DNAJA3: variants seen among roughly 807,000 people sequenced by gnomAD.
DNAJA3 encodes dnaJ homolog subfamily A member 3, mitochondrial.
In DNAJA3, 29 loss-of-function variants were observed where a neutral mutation model predicts 54.9. That is an observed-to-expected ratio of 0.53 (90% CI 0.39 to 0.72). The LOEUF is 0.72. DNAJA3 is among the 30% of genes least tolerant of loss of function. DNAJA3 has a pLI of 0.00. For missense variants in DNAJA3, 708 were observed against 639.4 expected (o/e 1.11, Z -1.16); for synonymous variants, 302 against 251.4 (o/e 1.20, Z -1.90).
At chr16:4,441,069 T>TCG in intron 3 of DNAJA3, 3 of 454,582 alleles carry the variant, frequency 6.6e-6, no homozygotes, top group South Asian at 3.6e-5. Flanking sequence ...AGTGTGAATC[T>TCG]GTGAAGAATC....
chr16:4,443,988 C>G (rs1013508493), intron 6 of DNAJA3, among the ~76,000 whole-genome samples: 1 of 152,128 alleles, frequency 6.6e-6, no homozygotes, highest in Non-Finnish European at 1.5e-5. Flanking sequence ...GCGTGGCCTG[C>G]TTTACTGTTG....
At chr16:4,450,645 G>A (rs1019989282) in intron 10 of DNAJA3, 148 bp downstream of exon 10, 3 of 621,994 alleles carry the variant, frequency 4.8e-6, no homozygotes, top group Non-Finnish European at 8.2e-6. Flanking sequence ...GGCTGTGGGC[G>A]GGGACAGCGG....
chr16:4,446,933 C>CGACCTCTTTATTTCTATA lies in DNAJA3; in HGVS notation c.1046_1063dup (p.Asp349_Ile354dup). 2 of 1,614,138 alleles carry CGACCTCTTTATTTCTATA rather than the reference C, an allele frequency of 1.2e-6. No homozygotes were observed. The highest frequency in any genetic ancestry group is 1.7e-6 in the Non-Finnish European group (2 of 1,180,040). ...GGAGGGACGGCGCAGACATCCACTCCGACCTCTTTATTTCTATAGCTCAGG... is the reference window on the plus strand; with the variant it reads ...GGAGGGACGGCGCAGACATCCACTCCGACCTCTTTATTTCTATAGACCTCTTTATTTCTATAGCTCAGG... On this transcript the variant is annotated inframe_insertion, in exon 8 of 12. Coordinates refer to ENST00000262375, the MANE Select transcript of DNAJA3 (RefSeq NM_005147.6).
In DNAJA3 at chr16:4,441,427, G is replaced by C. The variant is rs372950876; in HGVS notation, c.482G>C (p.Gly161Ala). The change falls in exon 4 of 12, where the codon GGC becomes GCC. Residue 161 changes from glycine to alanine, a missense_variant. Physicochemically the swap from Gly to Ala is moderately conservative, Grantham distance 60. Transcript: ENST00000262375. ...CAGTACGATGCCTACGGCTCTGCAG[G>C]CTTCGATCCTGGGGCCAGCGGCTCC... ...RKQYDAYGSA[G>A]FDPGASGSQH... 9.3e-6 allele frequency: 15 copies of C among 1,614,162 alleles called. 1 individual carries two copies. Among genetic ancestry groups the C allele is most frequent in the South Asian group, 3.3e-5 (3 of 91,082 alleles).
At chr16:4,439,913 C>G (rs1356397239) in intron 3 of DNAJA3, among the ~76,000 whole-genome samples, 1 of 152,122 alleles carries the variant, frequency 6.6e-6, no homozygotes, top group Non-Finnish European at 1.5e-5. Context: ...GAAGCGTACT[C>G]TTTTCTGTTT....
intron 1 of DNAJA3, 165 bp from the exon 2 acceptor site, chr16:4,434,219 G>A (rs527899891): frequency 1.4e-6 from 1 of 697,732 alleles, no homozygotes; most frequent in African/African-American, 1.8e-5. Flanking sequence ...ATGACACGTG[G>A]GGATTATGGG....
At chr16:4,450,147 G>A (rs2056959828) in intron 9 of DNAJA3, 5 of 431,092 alleles carry the variant, frequency 1.2e-5, no homozygotes, top group South Asian at 5.5e-5. Context: ...TTCCCCTCCT[G>A]TAAACTGTAT....
chr16:4,442,173 A>C (rs1391661242), intron 4 of DNAJA3, 95 bp from the exon 5 acceptor site: 3 of 1,321,648 alleles, frequency 2.3e-6, no homozygotes, highest in African/African-American at 1.5e-5. Flanking sequence ...GAGTGACTGA[A>C]AATGTGGGCC....
intron 1 of DNAJA3, among the ~76,000 whole-genome samples, chr16:4,432,183 A>C (rs1327929587): frequency 6.8e-6 from 1 of 148,140 alleles, no homozygotes; most frequent in Non-Finnish European, 1.5e-5. Context: ...CAAGTCTTTG[A>C]TCCATTTATT....
intron 1 of DNAJA3, among the ~76,000 whole-genome samples, chr16:4,427,649 G>T (rs971287762): frequency 6.6e-6 from 1 of 152,192 alleles, no homozygotes; most frequent in Admixed American, 6.6e-5. Flanking sequence ...TTGGATGTGT[G>T]TTTGGTTAAG....
intron 1 of DNAJA3, chr16:4,427,302 G>C (rs1337844053): frequency 6.6e-6 from 1 of 152,124 alleles, no homozygotes; most frequent in Non-Finnish European, 1.5e-5. Context: ...TCTAGAATTT[G>C]TGCAAATGGT....
Position 4,425,925 on chromosome 16 carries a change from G to C in DNAJA3, c.44G>C (p.Gly15Ala), listed in dbSNP as rs1236536770. 6.4e-7 allele frequency: 1 copy of C among 1,550,640 alleles called. No homozygotes were observed. Residue 15 changes from glycine (G) to alanine (A), a missense_variant, in exon 1 of 12, where the codon GGG (glycine) becomes GCG (alanine). Physicochemically the swap from Gly to Ala is moderately conservative, Grantham distance 60. Coordinates refer to ENST00000262375, the MANE Select transcript of DNAJA3 (RefSeq NM_005147.6). ...ACACGCTGGTTGCTGGTGGTTGTGG[G>C]GACCCCGCGGCTGCCGGCTATATCG... is the stretch of plus-strand genomic sequence containing the variant. ...CSTRWLLVVV[G>A]TPRLPAISGR...
Position 4,455,587 on chromosome 16 carries a change from C to G in DNAJA3, c.*55C>G, listed in dbSNP as rs1289904031. 6.4e-7 allele frequency: 1 copy of G among 1,551,658 alleles called. No individual in the cohort carries two copies. The highest frequency in any genetic ancestry group is 8.7e-7 in the Non-Finnish European group (1 of 1,146,990). On this transcript the variant is annotated 3_prime_UTR_variant, in exon 12 of 12. Transcript: ENST00000262375. ...AAACTAGGCCGGGAAGCAGCAGCCC[C>G]TCCAAGGGCCAGGGCACCTGGGAGA...
chr16:4,449,276 G>A (rs1173464282), intron 9 of DNAJA3, among the ~76,000 whole-genome samples: 1 of 152,176 alleles, frequency 6.6e-6, no homozygotes, highest in Non-Finnish European at 1.5e-5. Flanking sequence ...GATTACAGGC[G>A]TGAGCCACCA....
Position 4,434,407 on chromosome 16 carries a change from T to G in DNAJA3, c.235T>G (p.Cys79Gly). 3.7e-6 allele frequency: 6 copies of G among 1,613,306 alleles called. 1 individual carries two copies. The South Asian group carries it at 6.6e-5, about 18-fold the overall frequency. ...LTGTKHNPFI[C>G]TASFHTSAPL... ...AGGAACAAAACATAACCCTTTCATT[T>G]GTACTGCCTCCTTCCACACGAGTGC... Residue 79 changes from cysteine to glycine, a missense_variant, in exon 2 of 12, where the codon TGT (cysteine) becomes GGT (glycine). Physicochemically the swap from Cys to Gly is radical, Grantham distance 159. Coordinates refer to ENST00000262375, the MANE Select transcript of DNAJA3 (RefSeq NM_005147.6).
intron 1 of DNAJA3, among the ~76,000 whole-genome samples, chr16:4,429,099 A>C (rs2056660045): frequency 6.6e-6 from 1 of 151,798 alleles, no homozygotes; most frequent in South Asian, 2.1e-4. Context: ...TGTGTTAGCC[A>C]GGACGTCTCG....
Position 4,456,400 on chromosome 16 carries a change from C to CA in DNAJA3, c.*869dup, listed in dbSNP as rs1346085523. ...TTGCTAGTCAGGGGCTTGGTTCTCC[C>CA]ACTTACACTGTTGACATCTATTTTC... On this transcript the variant is annotated 3_prime_UTR_variant, in exon 12 of 12. Coordinates refer to ENST00000262375, the MANE Select transcript of DNAJA3 (RefSeq NM_005147.6). 6.6e-6 allele frequency: 1 copy of CA among 152,532 alleles called. No homozygotes were observed. Among genetic ancestry groups the CA allele is most frequent in the African/African-American group, 2.4e-5 (1 of 41,472 alleles). 9.4% of individuals were successfully genotyped at this position (152,532 alleles called of 1,614,324 possible).
chr16:4,442,872 C>G, intron 5 of DNAJA3, 145 bp from the exon 6 acceptor site: 1 of 832,318 alleles, frequency 1.2e-6, no homozygotes, highest in Non-Finnish European at 1.9e-6. Context: ...GGCCCTGCAC[C>G]TGGGTTCCTA....
At chr16:4,427,701 C>T (rs948914546) in intron 1 of DNAJA3, among the ~76,000 whole-genome samples, 2 of 152,130 alleles carry the variant, frequency 1.3e-5, no homozygotes, top group African/African-American at 4.8e-5. Flanking sequence ...TAAGACAGGG[C>T]CTCCTGTTGC....
Sources: allele counts gnomAD v4.1 joint callset (sites outside exome capture counted in the v4.1 genomes callset), GRCh38; gene constraint gnomAD v4.1.1; transcripts MANE v1.5; gene names NCBI Gene and HGNC (gene_info 2026-07-23, HGNC 2026-07-21).